MAD1L1: variants seen among roughly 807,000 people sequenced by gnomAD.
MAD1L1 encodes mitotic arrest deficient 1 like 1, also known as mitotic spindle assembly checkpoint protein MAD1.
MAD1L1 carries 95 observed loss-of-function variants against 96.9 expected under a neutral mutation model. The observed-to-expected ratio is 0.98, with a 90% CI of 0.83 to 1.16. MAD1L1 has a LOEUF of 1.16. Ranked by LOEUF, MAD1L1 falls within the 50% of genes most tolerant of loss-of-function variation. The probability of loss-of-function intolerance (pLI) is 0.00; values close to 1 mark genes in which losing one functional copy is unlikely to be tolerated. For missense variants in MAD1L1, 1,007 were observed against 954.4 expected (o/e 1.06, Z -0.73); for synonymous variants, 473 against 396.6 (o/e 1.19, Z -2.29).
chr7:1,905,876 CCT>C (rs1787595337), intron 17 of MAD1L1, among the ~76,000 whole-genome samples: 1 of 152,166 alleles, frequency 6.6e-6, no homozygotes, highest in East Asian at 1.9e-4. Context: ...ATGGTGAAAC[CCT>C]GTCTCTACCA....
Position 2,080,431 on chromosome 7 carries a change from G to C in MAD1L1, c.1074-11093C>G, listed in dbSNP as rs901768685. Among the ~76,000 whole-genome samples the C allele has an allele frequency of 5.3e-5, 8 of 152,304 alleles. No individual in the cohort carries two copies. In the South Asian group the frequency reaches 1.0e-3, roughly 20 times the overall value. ...GGGCGACTGCATGTCCCCCACAAGA[G>C]AGCAAGCTCCTGCCGGCTCCCCGCC... On this transcript the variant is annotated intron_variant, in intron 11 of 18. Coordinates refer to ENST00000265854, the MANE Select transcript of MAD1L1 (RefSeq NM_001013836.2).
intron 12 of MAD1L1, among the ~76,000 whole-genome samples, chr7:2,030,813 C>G (rs1783193682): frequency 6.6e-6 from 1 of 152,232 alleles, no homozygotes; most frequent in Admixed American, 6.5e-5. Flanking sequence ...AGACGCGTTT[C>G]TGTCCTCCTC....
At chr7:1,868,492 C>CCCCAT (rs200800801) in intron 18 of MAD1L1, among the ~76,000 whole-genome samples, 5,312 of 150,462 alleles carry the variant, frequency 0.035, 256 homozygotes, top group African/African-American at 0.12. Flanking sequence ...CCCCACCCCA[C>CCCCAT]GGATAATTTA....
chr7:1,853,635 G>T (rs1457863640), intron 18 of MAD1L1, among the ~76,000 whole-genome samples: 1 of 152,058 alleles, frequency 6.6e-6, no homozygotes. Context: ...TGTCCCCGCC[G>T]CCCTGCACAC....
At chr7:1,887,279 G>A (rs1428120054) in intron 18 of MAD1L1, among the ~76,000 whole-genome samples, 3 of 152,084 alleles carry the variant, frequency 2.0e-5, no homozygotes, top group Non-Finnish European at 4.4e-5. Flanking sequence ...GCATGCATGT[G>A]TGTATGTGGC....
chr7:1,996,223 C>T (rs1471555805), intron 14 of MAD1L1, among the ~76,000 whole-genome samples: 15 of 145,232 alleles, frequency 1.0e-4, no homozygotes, highest in African/African-American at 3.6e-4. Context: ...GGCTCCTGGG[C>T]GGGCAGGGTC....
chr7:1,969,046 C>A (rs1053029202), intron 15 of MAD1L1, among the ~76,000 whole-genome samples: 1 of 152,142 alleles, frequency 6.6e-6, no homozygotes, highest in Non-Finnish European at 1.5e-5. Flanking sequence ...CCGCAACTTG[C>A]CTATTGAATC....
rs540237798 is a variant in MAD1L1, at chr7:1,948,000, G to A, written c.1596+9629C>T. Among the ~76,000 whole-genome samples, 4 of 152,328 alleles carry A rather than the reference G, an allele frequency of 2.6e-5. No individual in the cohort carries two copies. In the South Asian group the frequency reaches 6.2e-4, roughly 24 times the overall value. On this transcript the variant is annotated intron_variant, in intron 16 of 18. Coordinates refer to ENST00000265854, the MANE Select transcript of MAD1L1 (RefSeq NM_001013836.2). ...AGGGACAGAGGCCATGCTGCTGTCC[G>A]TGACCAGTGCCCGGGAGCGGTGGGA...
At chr7:2,050,373 C>T (rs1784116802) in intron 12 of MAD1L1, among the ~76,000 whole-genome samples, 1 of 152,238 alleles carries the variant, frequency 6.6e-6, no homozygotes, top group South Asian at 2.1e-4. Context: ...TGCCTCAGAC[C>T]CATGTCCACA....
At chr7:1,878,747 C>A (rs1785520813) in intron 18 of MAD1L1, among the ~76,000 whole-genome samples, 1 of 138,112 alleles carries the variant, frequency 7.2e-6, no homozygotes. Flanking sequence ...CCCCCCCATT[C>A]TTATTCAGCA....
At chr7:1,912,360 G>A (rs1041637975) in intron 17 of MAD1L1, among the ~76,000 whole-genome samples, 1 of 152,220 alleles carries the variant, frequency 6.6e-6, no homozygotes, top group African/African-American at 2.4e-5. Flanking sequence ...GTAAAAGGAA[G>A]CAGTTGGGGT....
chr7:1,993,635 G>A (rs931509365), intron 14 of MAD1L1, among the ~76,000 whole-genome samples: 4 of 152,166 alleles, frequency 2.6e-5, no homozygotes, highest in African/African-American at 7.2e-5. Context: ...CAGACATTAT[G>A]CCTGAGAAAT....
intron 17 of MAD1L1, among the ~76,000 whole-genome samples, chr7:1,899,853 A>G (rs1186866719): frequency 1.3e-5 from 2 of 152,170 alleles, no homozygotes; most frequent in African/African-American, 4.8e-5. Flanking sequence ...GTGAGCAGGG[A>G]CAGGGGAGCC....
intron 17 of MAD1L1, among the ~76,000 whole-genome samples, chr7:1,914,616 T>C (rs1362657947): frequency 6.6e-6 from 1 of 151,958 alleles, no homozygotes; most frequent in Non-Finnish European, 1.5e-5. Context: ...GTGTTGAGTT[T>C]TTGGTTTGTT....
At chr7:2,172,565 C>A (rs970718794) in intron 10 of MAD1L1, among the ~76,000 whole-genome samples, 8 of 152,216 alleles carry the variant, frequency 5.3e-5, no homozygotes, top group Admixed American at 5.2e-4. Context: ...GGGAGGGCGC[C>A]GCCGCCAGGA....
rs564382336 is a variant in MAD1L1 at position 1,967,782 on chromosome 7, C to T, written c.1506-10063G>A. On this transcript the variant is annotated intron_variant, in intron 15 of 18. Coordinates refer to ENST00000265854, the MANE Select transcript of MAD1L1 (RefSeq NM_001013836.2). ...GGCCGGCCGCGGGGAGATCACGCAGCGAAACAAGTCCCGCTGCATGCACCG... is the reference window on the plus strand; with the variant it reads ...GGCCGGCCGCGGGGAGATCACGCAGTGAAACAAGTCCCGCTGCATGCACCG... Among the ~76,000 whole-genome samples the T allele has an allele frequency of 6.2e-4, 95 of 152,330 alleles. No individual in the cohort carries two copies. In the South Asian group the frequency reaches 0.01, roughly 16 times the overall value.
intron 18 of MAD1L1, chr7:1,838,928 CAG>C (rs1783082019): frequency 2.2e-6 from 1 of 450,334 alleles, no homozygotes; most frequent in Non-Finnish European, 4.6e-6. Flanking sequence ...GGGACAAGGA[CAG>C]AGTGTGCAAA....
chr7:2,199,105 A>T (rs1792147965), intron 10 of MAD1L1, among the ~76,000 whole-genome samples: 1 of 152,216 alleles, frequency 6.6e-6, no homozygotes, highest in South Asian at 2.1e-4. Flanking sequence ...AAAGATGCGC[A>T]ACTCCAGCTC....
intron 17 of MAD1L1, among the ~76,000 whole-genome samples, chr7:1,921,506 A>T (rs553229025): frequency 6.6e-6 from 1 of 152,270 alleles, no homozygotes; most frequent in South Asian, 2.1e-4. Context: ...TGTTTTTAGT[A>T]GAGACAGGGT....
Sources: gnomAD v4.1 joint callset for allele counts (sites outside exome capture counted in the v4.1 genomes callset) on GRCh38, gnomAD v4.1.1 for gene constraint, MANE v1.5 for transcripts, NCBI Gene and HGNC (gene_info 2026-07-23, HGNC 2026-07-21) for gene names.